RBM17: variants seen among roughly 807,000 people sequenced by gnomAD.
RBM17 encodes the protein RNA binding motif protein 17, also known as splicing factor 45.
A neutral mutation model predicts 53.2 loss-of-function variants in RBM17; 7 were observed. The observed-to-expected ratio is 0.13, with a 90% CI of 0.07 to 0.25. RBM17 has a LOEUF of 0.25. RBM17 is among the 10% of genes least tolerant of loss of function. The pLI is 1.00. For synonymous variants in RBM17, 167 were observed against 178.1 expected (o/e 0.94, Z 0.50); for missense variants, 257 against 496.7 (o/e 0.52, Z 4.59).
At chr10:6,103,213 C>T (rs1840695330) in intron 3 of RBM17, among the ~76,000 whole-genome samples, 1 of 152,124 alleles carries the variant, frequency 6.6e-6, no homozygotes, top group South Asian at 2.1e-4. Flanking sequence ...CCAGTTTACT[C>T]CCAGCAGTGC....
At position 6,115,301 on chromosome 10, in the gene RBM17, A is replaced by G. The variant is rs1305916484; in HGVS notation, c.1092A>G (p.Ser364=). The G allele has an allele frequency of 1.9e-6, 3 of 1,612,342 alleles. No homozygotes were observed. The highest frequency in any genetic ancestry group is 2.5e-6 in the Non-Finnish European group (3 of 1,178,452). ...TTTTAGAATTTGAGAGAGTTGAATC[A>G]GCAATTAAAGGTTAGTGGTACAGCT... ...RIFLEFERVE[S]AIKAVVDLNG... Residue 364 remains serine (S), a synonymous_variant, in exon 11 of 12, where the codon TCA becomes TCG. Transcript: ENST00000379888.
chr10:6,113,168 A>T (rs1840864808), intron 8 of RBM17: 1 of 223,072 alleles, frequency 4.5e-6, no homozygotes, highest in South Asian at 6.4e-5. Context: ...TGGGCCCGTG[A>T]CCTTGAACGT....
intron 5 of RBM17, chr10:6,106,516 G>A: frequency 3.3e-6 from 1 of 299,312 alleles, no homozygotes; most frequent in South Asian, 4.0e-5. Flanking sequence ...TTTACCTGCA[G>A]CACAGTCCAG....
chr10:6,103,853 A>T (rs757527109), intron 3 of RBM17, among the ~76,000 whole-genome samples: 30 of 152,208 alleles, frequency 2.0e-4, no homozygotes, highest in Non-Finnish European at 4.1e-4. Context: ...CAAGCAGGAA[A>T]CACGTTTACA....
chr10:6,105,650 A>G (rs1840738014), intron 4 of RBM17, among the ~76,000 whole-genome samples: 1 of 152,242 alleles, frequency 6.6e-6, no homozygotes, highest in Non-Finnish European at 1.5e-5. Flanking sequence ...GCCAGGTGGA[A>G]TTTTTAAAAA....
intron 5 of RBM17, 143 bp from the exon 6 acceptor site, chr10:6,108,543 T>C (rs761531612): frequency 1.4e-4 from 82 of 571,366 alleles, no homozygotes; most frequent in Admixed American, 1.2e-3. Flanking sequence ...TGTTCATATG[T>C]AGCAGGAGGT....
rs1840613398 is a variant in RBM17 at position 6,098,556 on chromosome 10, G to GGTTTTTTTTTT, written c.123+1368_123+1369insGTTTTTTTTTT. 8.0e-5 allele frequency among the ~76,000 whole-genome samples: 7 copies of GGTTTTTTTTTT among 87,982 alleles called. No homozygotes were observed. The South Asian group carries it at 1.3e-3, about 16-fold the overall frequency. The allele number at this position is 87,982 out of a possible 152,430, so 57.7% of individuals were successfully genotyped here. On this transcript the variant is annotated intron_variant, in intron 2 of 11. Transcript: ENST00000379888. ...GTTTGAAAATTTCCGTAATACACAG[G>GGTTTTTTTTTT]TTTTTTGTTTTTTTTTTTTTTTTTT...
At chr10:6,102,759 C>T (rs1840686084) in intron 3 of RBM17, among the ~76,000 whole-genome samples, 1 of 152,150 alleles carries the variant, frequency 6.6e-6, no homozygotes, top group African/African-American at 2.4e-5. Context: ...CCTAGATTTG[C>T]TTTTACATTG....
At position 6,112,168 on chromosome 10, in the gene RBM17, C is replaced by T. The variant is rs376738437; in HGVS notation, c.705-42C>T. The T allele has an allele frequency of 3.3e-5, 53 of 1,594,628 alleles. No homozygotes were observed. Among genetic ancestry groups the T allele is most frequent in the South Asian group, 2.2e-4 (20 of 90,198 alleles). On this transcript the variant is annotated intron_variant, in intron 7 of 11. Transcript: ENST00000379888. This position sits in a 1 kb window ranked among gnomAD's most constrained non-coding sequence, Gnocchi z 4.4. ...AAAAATGCAACCTATCTCCAGTTGA[C>T]GATGTCAAGGCTAAGAGTCCTTTCC...
intron 2 of RBM17, among the ~76,000 whole-genome samples, chr10:6,100,583 A>G (rs1484095637): frequency 6.6e-6 from 1 of 152,152 alleles, no homozygotes; most frequent in Admixed American, 6.5e-5. Flanking sequence ...GATGATGGTG[A>G]TGATGATGAT....
At chr10:6,114,225 G>A (rs1479569519) in intron 10 of RBM17, 78 bp downstream of exon 10, 7 of 817,168 alleles carry the variant, frequency 8.6e-6, no homozygotes, top group Non-Finnish European at 1.4e-5. Flanking sequence ...AAACAGGACA[G>A]GGTATGCTAT....
In RBM17 at chr10:6,112,294, T is replaced by C. The variant is rs576220786; in HGVS notation, c.789T>C (p.Thr263=). ...GLGKHEQGLS[T]ALSVEKTSKR... is the part of the protein sequence containing the mutation. ...GGAAGCATGAGCAGGGCCTGAGCAC[T>C]GCCTTGTCAGTGGAGAAGACCAGCA... The change falls in exon 8 of 12, where the codon ACT becomes ACC. Residue 263 remains threonine, a synonymous_variant. Coordinates refer to ENST00000379888, the MANE Select transcript of RBM17 (RefSeq NM_032905.5). This position sits in a 1 kb window ranked among gnomAD's most constrained non-coding sequence, Gnocchi z 4.4. 5.0e-6 allele frequency: 8 copies of C among 1,614,010 alleles called. No homozygotes were observed. In the Admixed American group the frequency reaches 1.3e-4, roughly 27 times the overall value.
rs78849823 is a variant in RBM17, at chr10:6,101,484, G to A, written c.240+97G>A. ...CTCTTAACAGATGGCCTCCTTGGTG[G>A]GCCTTTGAAACCAAGTTAGTATCAT... On this transcript the variant is annotated intron_variant, in intron 3 of 11. Coordinates refer to ENST00000379888, the MANE Select transcript of RBM17 (RefSeq NM_032905.5). The A allele has an allele frequency of 1.5e-3, 872 of 573,914 alleles. 9 individuals are homozygous for A. The highest frequency in any genetic ancestry group is 0.015 in the African/African-American group (786 of 52,392). 35.6% of individuals were successfully genotyped at this position (573,914 alleles called of 1,614,324 possible).
chr10:6,093,700 G>A (rs925735034), intron 1 of RBM17, among the ~76,000 whole-genome samples: 2 of 152,140 alleles, frequency 1.3e-5, no homozygotes, highest in Non-Finnish European at 2.9e-5. Flanking sequence ...AAAGAGAAAT[G>A]GGTTGAGTAT....
intron 2 of RBM17, among the ~76,000 whole-genome samples, 190 bp from the exon 3 acceptor site, chr10:6,101,081 T>C (rs897964587): frequency 6.6e-6 from 1 of 152,190 alleles, no homozygotes; most frequent in Non-Finnish European, 1.5e-5. Flanking sequence ...GAAAATCTCA[T>C]GTTTTTGAAA....
At position 6,112,059 on chromosome 10, in the gene RBM17, A is replaced by G. The variant is rs1396001525; in HGVS notation, c.705-151A>G. On this transcript the variant is annotated intron_variant, in intron 7 of 11. Coordinates refer to ENST00000379888, the MANE Select transcript of RBM17 (RefSeq NM_032905.5). This position sits in a 1 kb window ranked among gnomAD's most constrained non-coding sequence, Gnocchi z 4.4. ...CTGCACATCCCCACAGCTTCCATCTAATAGCCCACTCCTAGTTAATGAGTG... is the reference window on the plus strand; with the variant it reads ...CTGCACATCCCCACAGCTTCCATCTGATAGCCCACTCCTAGTTAATGAGTG... The G allele has an allele frequency of 3.0e-6, 2 of 670,750 alleles. No homozygotes were observed. The highest frequency in any genetic ancestry group is 1.8e-5 in the African/African-American group (1 of 55,350). The allele number at this position is 670,750 out of a possible 1,614,324, so 41.5% of individuals were successfully genotyped here. A position where few individuals can be genotyped will look rare whatever the true frequency, so the allele number is the denominator to read the frequency against.
chr10:6,102,163 AC>A (rs1238695944), intron 3 of RBM17, among the ~76,000 whole-genome samples: 2 of 152,248 alleles, frequency 1.3e-5, no homozygotes, highest in Non-Finnish European at 2.9e-5. Flanking sequence ...GGTCATTTAA[AC>A]AGCATCATGA....
chr10:6,115,331 A>AT lies in RBM17; in HGVS notation c.1102+22dup. 6.3e-7 allele frequency: 1 copy of AT among 1,593,824 alleles called. No individual in the cohort carries two copies. The highest frequency in any genetic ancestry group is 8.6e-7 in the Non-Finnish European group (1 of 1,163,816). ...TTAAAGGTTAGTGGTACAGCTAAAT[A>AT]TTAAAGAATAAAAAAGTTGAATTTA... On this transcript the variant is annotated intron_variant, in intron 11 of 11. Coordinates refer to ENST00000379888, the MANE Select transcript of RBM17 (RefSeq NM_032905.5).
chr10:6,105,273 A>G (rs1840732667), intron 4 of RBM17, among the ~76,000 whole-genome samples, 176 bp downstream of exon 4: 1 of 152,256 alleles, frequency 6.6e-6, no homozygotes, highest in Non-Finnish European at 1.5e-5. Flanking sequence ...TCAGAATCAC[A>G]GCAAACTTCA....
Sources: allele counts gnomAD v4.1 joint callset (sites outside exome capture counted in the v4.1 genomes callset), GRCh38; gene constraint gnomAD v4.1.1; non-coding constraint Gnocchi (gnomAD v3.1); transcripts MANE v1.5; gene names NCBI Gene and HGNC (gene_info 2026-07-23, HGNC 2026-07-21).